The following CELF4 variants were observed in gnomAD, a reference collection of about 807,000 sequenced individuals.
The protein encoded by CELF4 is CUG-BP- and ETR-3-like factor 4.
In CELF4, 18 loss-of-function variants were observed where a neutral mutation model predicts 59.9. The observed-to-expected ratio is 0.30, with a 90% CI of 0.21 to 0.45. CELF4 has a LOEUF of 0.45. Among genes scored for constraint, CELF4 ranks in the 20% least tolerant of loss-of-function variants. CELF4 has a pLI of 1.00. For missense variants in CELF4, 456 were observed against 689.0 expected (o/e 0.66, Z 3.79); for synonymous variants, 261 against 267.1 (o/e 0.98, Z 0.22).
chr18:37,333,881 G>A (rs1375931486), intron 2 of CELF4, among the ~76,000 whole-genome samples: 1 of 152,074 alleles, frequency 6.6e-6, no homozygotes, highest in Non-Finnish European at 1.5e-5. Flanking sequence ...AGAATTGGAT[G>A]GCACAGCAAC....
intron 2 of CELF4, among the ~76,000 whole-genome samples, chr18:37,323,404 T>C (rs1569562776): frequency 6.6e-6 from 1 of 152,092 alleles, no homozygotes; most frequent in Non-Finnish European, 1.5e-5. Flanking sequence ...TTACAGCAAA[T>C]TCCAATCACA....
rs146875118 is a variant in CELF4 at position 37,286,354 on chromosome 18, T to C, written c.449-11111A>G. On this transcript the variant is annotated intron_variant, in intron 3 of 12. Coordinates refer to ENST00000420428, the MANE Select transcript of CELF4 (RefSeq NM_020180.4). ...AGGCTGTGTGTGGGGCAGTGGTCGC[T>C]GCCTGCAGACCACCTGGCCACAGAC... Among the ~76,000 whole-genome samples the C allele has an allele frequency of 4.0e-3, 612 of 152,250 alleles. 10 individuals are homozygous for C. Among genetic ancestry groups the C allele is most frequent in the African/African-American group, 0.014 (590 of 41,534 alleles).
chr18:37,250,717 CCACTGCCTCA>C (rs2064971476), intron 12 of CELF4, among the ~76,000 whole-genome samples: 1 of 152,174 alleles, frequency 6.6e-6, no homozygotes, highest in South Asian at 2.1e-4. Context: ...TCTCATTGAG[CCACTGCCTCA>C]AGGCAGTCCC....
chr18:37,360,597 C>T (rs1199785606), intron 2 of CELF4, among the ~76,000 whole-genome samples: 2 of 152,186 alleles, frequency 1.3e-5, no homozygotes, highest in East Asian at 1.9e-4. Context: ...ATCACTTGTC[C>T]GAAGCTATGC....
intron 3 of CELF4, among the ~76,000 whole-genome samples, chr18:37,284,470 TGC>T (rs1177597656): frequency 1.3e-5 from 2 of 152,140 alleles, no homozygotes; most frequent in Non-Finnish European, 2.9e-5. Flanking sequence ...CAGTGCACCA[TGC>T]CCTCCCTTGG....
At chr18:37,558,430 A>C (rs1285483448) in intron 1 of CELF4, among the ~76,000 whole-genome samples, 1 of 127,198 alleles carries the variant, frequency 7.9e-6, no homozygotes, top group Non-Finnish European at 1.6e-5. Context: ...AACTTCTCTT[A>C]TGTTGCCGAA....
intron 1 of CELF4, among the ~76,000 whole-genome samples, chr18:37,516,777 A>G (rs2099951088): frequency 6.6e-6 from 1 of 152,142 alleles, no homozygotes; most frequent in Non-Finnish European, 1.5e-5. Flanking sequence ...TTGGGCTTGG[A>G]GAGGGTGGCT....
At chr18:37,383,478 T>C (rs2099065307) in intron 2 of CELF4, among the ~76,000 whole-genome samples, 7 of 152,212 alleles carry the variant, frequency 4.6e-5, no homozygotes, top group Admixed American at 4.6e-4. Flanking sequence ...AATGAAAGTT[T>C]AAAAGTTTTG....
At chr18:37,273,746 C>T in intron 6 of CELF4, 1 of 988,208 alleles carries the variant, frequency 1.0e-6, no homozygotes, top group Non-Finnish European at 1.2e-6. Context: ...CTCAGTGCCA[C>T]CCACATGGGA....
intron 2 of CELF4, among the ~76,000 whole-genome samples, chr18:37,373,061 C>T (rs2098921665): frequency 6.6e-6 from 1 of 152,206 alleles, no homozygotes; most frequent in South Asian, 2.1e-4. Flanking sequence ...GGAAGACATG[C>T]AGGGAAAAGG....
chr18:37,268,117 A>T (rs906718188), intron 8 of CELF4, among the ~76,000 whole-genome samples: 7 of 152,154 alleles, frequency 4.6e-5, no homozygotes, highest in African/African-American at 1.7e-4. Context: ...AGACAGTGGG[A>T]CAGTAGGTTC....
At chr18:37,329,061 C>T (rs1221016594) in intron 2 of CELF4, among the ~76,000 whole-genome samples, 1 of 152,184 alleles carries the variant, frequency 6.6e-6, no homozygotes, top group Non-Finnish European at 1.5e-5. Flanking sequence ...ACAGACTTTA[C>T]AGTTCATCTT....
chr18:37,535,369 G>A (rs372286796), intron 1 of CELF4, among the ~76,000 whole-genome samples: 2 of 152,060 alleles, frequency 1.3e-5, no homozygotes, highest in Non-Finnish European at 2.9e-5. Context: ...TTCATTGTAC[G>A]GAACAAATTC....
At chr18:37,352,321 C>G (rs2098458649) in intron 2 of CELF4, among the ~76,000 whole-genome samples, 1 of 152,162 alleles carries the variant, frequency 6.6e-6, no homozygotes, top group Non-Finnish European at 1.5e-5. Context: ...CATTTGTCCT[C>G]AATGTTACCT....
At chr18:37,499,968 A>T (rs2099929669) in intron 1 of CELF4, among the ~76,000 whole-genome samples, 1 of 152,126 alleles carries the variant, frequency 6.6e-6, no homozygotes. Flanking sequence ...CCGAGAACAC[A>T]CATCTGGTCA....
At chr18:37,415,929 G>A (rs143112178) in intron 2 of CELF4, among the ~76,000 whole-genome samples, 264 of 152,286 alleles carry the variant, frequency 1.7e-3, no homozygotes, top group African/African-American at 6.0e-3. Context: ...ACAGGAGAAC[G>A]AGGCTCTGTC....
At chr18:37,457,200 C>T (rs1299324393) in intron 2 of CELF4, among the ~76,000 whole-genome samples, 1 of 152,180 alleles carries the variant, frequency 6.6e-6, no homozygotes, top group African/African-American at 2.4e-5. Context: ...CTCCCTGTGG[C>T]CTTTGTTGCC....
intron 2 of CELF4, among the ~76,000 whole-genome samples, chr18:37,392,893 G>A (rs1399728284): frequency 2.6e-5 from 4 of 152,092 alleles, no homozygotes; most frequent in Admixed American, 6.6e-5. Context: ...TCTTATCAGC[G>A]CCTACATTGA....
At chr18:37,511,705 G>A (rs1275307454) in intron 1 of CELF4, among the ~76,000 whole-genome samples, 1 of 151,890 alleles carries the variant, frequency 6.6e-6, no homozygotes, top group African/African-American at 2.4e-5. Flanking sequence ...CAGGAGGTAG[G>A]TGGGATAAGT....
Sources: gnomAD v4.1 joint callset for allele counts (sites outside exome capture counted in the v4.1 genomes callset) on GRCh38, gnomAD v4.1.1 for gene constraint, MANE v1.5 for transcripts, NCBI Gene and HGNC (gene_info 2026-07-23, HGNC 2026-07-21) for gene names.